The following TRMT11 variants were observed in gnomAD, a reference collection of about 807,000 sequenced individuals.
TRMT11 encodes the protein tRNA (guanine(10)-N(2))-methyltransferase TRMT11.
TRMT11 carries 53 observed loss-of-function variants against 62.8 expected under a neutral mutation model. That is an observed-to-expected ratio of 0.84 (90% CI 0.68 to 1.06). The LOEUF is 1.06. TRMT11 is among the 50% of genes least tolerant of loss of function. The pLI is 0.00. For missense variants in TRMT11, 556 were observed against 553.4 expected (o/e 1.00, Z -0.05); for synonymous variants, 188 against 190.3 (o/e 0.99, Z 0.10).
chr6:126,035,187 T>A (rs993616108), intron 12 of TRMT11, among the ~76,000 whole-genome samples: 1 of 152,146 alleles, frequency 6.6e-6, no homozygotes, highest in African/African-American at 2.4e-5. Flanking sequence ...TATTTATATG[T>A]ATGATTATAT....
chr6:126,054,203 C>G (rs879338112), intron 17 of TRMT11, among the ~76,000 whole-genome samples: 3 of 152,168 alleles, frequency 2.0e-5, no homozygotes, highest in Non-Finnish European at 4.4e-5. Context: ...GCTTGAGTTC[C>G]TTGACAAAGG....
At chr6:126,248,702 T>C in the TRMT11 span, among the ~76,000 whole-genome samples, 3 of 152,190 alleles carry the variant, frequency 2.0e-5, no homozygotes, top group African/African-American at 7.2e-5. Context: ...CTCTGTTCAC[T>C]GCTATATTTC....
At chr6:126,216,265 C>T in the TRMT11 span, among the ~76,000 whole-genome samples, 2 of 152,040 alleles carry the variant, frequency 1.3e-5, no homozygotes, top group South Asian at 4.1e-4. Flanking sequence ...GCATATTACT[C>T]TAGGACAAAC....
intron 19 of TRMT11, among the ~76,000 whole-genome samples, chr6:126,114,901 C>T (rs1233604473): frequency 6.6e-6 from 1 of 152,026 alleles, no homozygotes; most frequent in African/African-American, 2.4e-5. Context: ...ATCACATTTA[C>T]AGAGCTGTAA....
In TRMT11 at chr6:125,986,616, C is replaced by T. The variant is rs1351043786; in HGVS notation, c.66C>T (p.Arg22=). The T allele has an allele frequency of 1.9e-6, 3 of 1,581,496 alleles. No homozygotes were observed. The highest frequency in any genetic ancestry group is 2.7e-5 in the African/African-American group (2 of 74,464). The change falls in exon 1 of 13, where the codon CGC becomes CGT. Residue 22 remains arginine (R), a synonymous_variant. Transcript: ENST00000334379. ...LLMAQEHLEF[R]LPEIKSLLLL... is the part of the protein sequence containing the mutation. ...TGGCGCAGGAGCATCTGGAGTTCCG[C>T]CTGCCGGTGAGTCCGTAGCGCCCTC...
At position 126,035,388 on chromosome 6, in the gene TRMT11, G is replaced by C. The variant is rs78334865; in HGVS notation, c.1261-3317G>C. ...CTGTGTAAGGGATTTGGAGCTTTTGGGTTTTCCAGAGTTTCTGTTATAAAT... is the reference window on the plus strand; with the variant it reads ...CTGTGTAAGGGATTTGGAGCTTTTGCGTTTTCCAGAGTTTCTGTTATAAAT... On this transcript the variant is annotated intron_variant, in intron 12 of 12. Transcript: ENST00000334379. Among the ~76,000 whole-genome samples the C allele has an allele frequency of 1.7e-3, 259 of 152,148 alleles. 2 individuals are homozygous for C. The highest frequency in any genetic ancestry group is 5.9e-3 in the African/African-American group (247 of 41,524).
the TRMT11 span, among the ~76,000 whole-genome samples, chr6:126,255,539 T>C: frequency 6.6e-6 from 1 of 152,220 alleles, no homozygotes; most frequent in Admixed American, 6.5e-5. Context: ...TTTTACCTCT[T>C]ACATATCAAA....
chr6:126,042,029 A>T (rs1161959468), downstream of TRMT11, among the ~76,000 whole-genome samples: 1 of 152,190 alleles, frequency 6.6e-6, no homozygotes, highest in Non-Finnish European at 1.5e-5. Context: ...AAGTGCCTTA[A>T]TCCAGAACAT....
At chr6:126,121,603 G>A (rs2128197074) in intron 21 of TRMT11, among the ~76,000 whole-genome samples, 1 of 152,148 alleles carries the variant, frequency 6.6e-6, no homozygotes, top group East Asian at 1.9e-4. Context: ...TTCAAAATGT[G>A]GAATTAGTTA....
intron 16 of TRMT11, among the ~76,000 whole-genome samples, chr6:126,045,874 C>G (rs1020688768): frequency 2.6e-5 from 4 of 152,096 alleles, no homozygotes; most frequent in Admixed American, 6.5e-5. Context: ...TCATGCCAGA[C>G]TTAATATCCA....
At chr6:126,108,421 A>G (rs1300529522) in intron 17 of TRMT11, among the ~76,000 whole-genome samples, 3 of 152,206 alleles carry the variant, frequency 2.0e-5, no homozygotes, top group African/African-American at 7.2e-5. Context: ...AATAGATGGC[A>G]TTTGTTCAAT....
At chr6:126,078,498 GA>G (rs1326926040) in intron 17 of TRMT11, among the ~76,000 whole-genome samples, 4 of 151,054 alleles carry the variant, frequency 2.6e-5, no homozygotes, top group Non-Finnish European at 5.9e-5. Context: ...CCCATGATGT[GA>G]AGAGGTTTCT....
intron 17 of TRMT11, among the ~76,000 whole-genome samples, chr6:126,087,770 G>A (rs886075404): frequency 1.3e-5 from 2 of 152,126 alleles, no homozygotes; most frequent in Admixed American, 6.6e-5. Context: ...TCTTCCCAAC[G>A]TATTACACAT....
chr6:126,232,770 A>G, the TRMT11 span, among the ~76,000 whole-genome samples: 1 of 152,338 alleles, frequency 6.6e-6, no homozygotes, highest in East Asian at 1.9e-4. Context: ...AAGACAATGT[A>G]TAAACTTTGA....
intron 16 of TRMT11, among the ~76,000 whole-genome samples, chr6:126,044,869 T>C (rs1359285312): frequency 6.6e-6 from 1 of 151,630 alleles, no homozygotes; most frequent in Non-Finnish European, 1.5e-5. Flanking sequence ...GACTTGGGTA[T>C]AAGGAAGAAC....
chr6:126,035,029 A>T (rs1474697564), intron 12 of TRMT11, among the ~76,000 whole-genome samples: 2 of 152,150 alleles, frequency 1.3e-5, no homozygotes, highest in African/African-American at 4.8e-5. Flanking sequence ...AGGATGAAAG[A>T]GAGGTAGAGA....
At position 125,994,795 on chromosome 6, in the gene TRMT11, G is replaced by A. The variant is rs376352742; in HGVS notation, c.138+973G>A. On this transcript the variant is annotated intron_variant, in intron 2 of 12. Coordinates refer to ENST00000334379, the MANE Select transcript of TRMT11 (RefSeq NM_001031712.3). Reference sequence around the variant, plus strand: ...GGAACGAGATCATGCATACTGTGCAGCCATAAAAAGGAATGAGATCATGTC... The same window carrying A: ...GGAACGAGATCATGCATACTGTGCAACCATAAAAAGGAATGAGATCATGTC... 4.6e-5 allele frequency among the ~76,000 whole-genome samples: 7 copies of A among 152,222 alleles called. No individual in the cohort carries two copies. The East Asian group carries it at 9.6e-4, about 21-fold the overall frequency.
the TRMT11 span, among the ~76,000 whole-genome samples, chr6:126,223,868 C>A: frequency 0.025 from 3,788 of 152,194 alleles, 173 homozygotes; most frequent in African/African-American, 0.086. Flanking sequence ...CTTTATTTTT[C>A]TCTGAGTTGA....
the TRMT11 span, among the ~76,000 whole-genome samples, chr6:126,241,111 C>A: frequency 1.3e-5 from 2 of 152,198 alleles, no homozygotes; most frequent in Non-Finnish European, 2.9e-5. Context: ...ATCTGTCACC[C>A]CTTTCCTTGG....
Sources: gnomAD v4.1 joint callset for allele counts (sites outside exome capture counted in the v4.1 genomes callset) on GRCh38, gnomAD v4.1.1 for gene constraint, MANE v1.5 for transcripts, NCBI Gene and HGNC (gene_info 2026-07-23, HGNC 2026-07-21) for gene names.